Variants in TMEM131 observed in about 807,000 individuals in gnomAD.
TMEM131 encodes the protein transmembrane protein 131, also known as 2610524E03Rik.
Under a neutral mutation model 211.6 loss-of-function variants are expected in TMEM131, and 66 were observed. The ratio of observed to expected loss-of-function variants is 0.31; its 90% confidence interval spans 0.26 to 0.38. The LOEUF (loss-of-function observed/expected upper bound fraction) is 0.38, where lower values mean the gene tolerates loss of function less well. TMEM131 is among the 10% of genes least tolerant of loss of function. The pLI, the probability that TMEM131 is intolerant of heterozygous loss-of-function variation, is 1.00. For missense variants in TMEM131, 2,036 were observed against 2,299.3 expected, an observed-to-expected ratio of 0.89 and a Z score of 2.34; for synonymous variants, 844 against 841.3, an observed-to-expected ratio of 1.00 and a Z score of -0.06.
chr2:97,789,649 C>T (rs957129016), intron 31 of TMEM131, among the ~76,000 whole-genome samples: 5 of 152,228 alleles, frequency 3.3e-5, no homozygotes, highest in Non-Finnish European at 5.9e-5. Flanking sequence ...AAGCCAGAAA[C>T]GAGAATGGCC....
In TMEM131 at chr2:97,775,912, C is replaced by T; in HGVS notation, c.4251G>A (p.Leu1417=). The change falls in exon 32 of 41, where the codon TTG becomes TTA. Residue 1417 remains leucine (L), a synonymous_variant. Transcript: ENST00000186436. ...KPQEDELKDS[L]ADDDSSSTTT... is the part of the protein sequence containing the mutation. Reference sequence around the variant, plus strand: ...TGGTGGAGGAGCTATCATCATCAGCCAAAGAGTCCTTCAGCTCATCTTCCT... The same window carrying T: ...TGGTGGAGGAGCTATCATCATCAGCTAAAGAGTCCTTCAGCTCATCTTCCT... 1.2e-6 allele frequency: 2 copies of T among 1,613,950 alleles called. No individual in the cohort carries two copies. Among genetic ancestry groups the T allele is most frequent in the Non-Finnish European group, 1.7e-6 (2 of 1,179,874 alleles).
At chr2:97,859,692 C>T (rs1046438719) in intron 4 of TMEM131, among the ~76,000 whole-genome samples, 1 of 152,146 alleles carries the variant, frequency 6.6e-6, no homozygotes, top group African/African-American at 2.4e-5. Flanking sequence ...CCCAGTGAGG[C>T]GGCGGACGGG....
At chr2:97,897,929 T>G (rs943278093) in intron 3 of TMEM131, among the ~76,000 whole-genome samples, 1 of 152,142 alleles carries the variant, frequency 6.6e-6, no homozygotes, top group Non-Finnish European at 1.5e-5. Flanking sequence ...TCTCTCTTGG[T>G]TAGTTTTAAT....
At chr2:97,928,734 T>C (rs551735744) in intron 1 of TMEM131, among the ~76,000 whole-genome samples, 4 of 151,748 alleles carry the variant, frequency 2.6e-5, no homozygotes, top group African/African-American at 7.3e-5. Flanking sequence ...CCACTATACA[T>C]GTACACTGAA....
intron 1 of TMEM131, among the ~76,000 whole-genome samples, chr2:97,949,138 G>A (rs1366120033): frequency 1.3e-5 from 2 of 152,140 alleles, no homozygotes; most frequent in African/African-American, 4.8e-5. Context: ...ACGGGTGGGT[G>A]GATAAACAAA....
chr2:97,978,917 C>T (rs925676531), intron 1 of TMEM131, among the ~76,000 whole-genome samples: 7 of 152,182 alleles, frequency 4.6e-5, no homozygotes, highest in Non-Finnish European at 1.0e-4. Context: ...TCTGTGGCAG[C>T]TATAGCCTTA....
chr2:97,932,491 T>A (rs1437740567), intron 1 of TMEM131, among the ~76,000 whole-genome samples: 1 of 152,222 alleles, frequency 6.6e-6, no homozygotes, highest in Admixed American at 6.5e-5. Context: ...TGTTGTTTAC[T>A]AAAACTCAAA....
At chr2:97,757,898 C>T (rs956843831) in intron 40 of TMEM131, among the ~76,000 whole-genome samples, 8 of 152,074 alleles carry the variant, frequency 5.3e-5, no homozygotes, top group Non-Finnish European at 1.2e-4. Flanking sequence ...TTTGGGAGGC[C>T]GACGTGGGCG....
chr2:97,819,684 C>T (rs560529622), intron 11 of TMEM131, among the ~76,000 whole-genome samples: 16 of 152,252 alleles, frequency 1.1e-4, no homozygotes, highest in African/African-American at 3.9e-4. Flanking sequence ...TCTGAACCCT[C>T]GTGGGTTGTA....
At chr2:97,804,941 T>C (rs889359390) in intron 22 of TMEM131, 147 bp downstream of exon 22, 39 of 553,286 alleles carry the variant, frequency 7.0e-5, no homozygotes, top group Non-Finnish European at 1.2e-4. Context: ...CAATTTAAGA[T>C]GCCTCACTAA....
intron 3 of TMEM131, among the ~76,000 whole-genome samples, chr2:97,891,122 T>C (rs1675358599): frequency 6.6e-6 from 1 of 152,256 alleles, no homozygotes. Flanking sequence ...TTATTTAACA[T>C]GGCACTGTTT....
intron 18 of TMEM131, among the ~76,000 whole-genome samples, chr2:97,810,307 ATTC>A (rs1341053020): frequency 6.6e-6 from 1 of 152,180 alleles, no homozygotes; most frequent in African/African-American, 2.4e-5. Flanking sequence ...ATTTTTCTTA[ATTC>A]TTATTTTCAC....
chr2:97,961,883 A>T (rs1336044587), intron 1 of TMEM131, among the ~76,000 whole-genome samples: 1 of 152,244 alleles, frequency 6.6e-6, no homozygotes, highest in East Asian at 1.9e-4. Context: ...TTAAAAGTCA[A>T]CAACAACAAA....
chr2:97,835,744 C>A (rs57970329), intron 8 of TMEM131, among the ~76,000 whole-genome samples: 5,282 of 152,208 alleles, frequency 0.035, 291 homozygotes, highest in African/African-American at 0.11. Flanking sequence ...ACCATCCACT[C>A]CCCAGCTCTA....
chr2:97,791,534 G>T (rs990647742), intron 31 of TMEM131, among the ~76,000 whole-genome samples: 2 of 152,192 alleles, frequency 1.3e-5, no homozygotes, highest in African/African-American at 4.8e-5. Flanking sequence ...AACAGTCCGT[G>T]AAGAACTGAA....
Position 97,818,717 on chromosome 2 carries a change from A to C in TMEM131, c.1079T>G (p.Val360Gly). ...SGTKDVPITS[V>G]RPTPQNDAIT... The stretch of plus-strand genomic sequence containing the variant: ...AGCATCATTTTGTGGTGTAGGTCGA[A>C]CACTCTGCAAAGAGAACAAAAATAC... The change falls in exon 12 of 41, where the codon GTT becomes GGT. Residue 360 changes from valine to glycine, a missense_variant. By Grantham distance (109) the Val-to-Gly change is moderately radical (BLOSUM62 -3). Around this residue, in one of 3 missense-constraint regions of TMEM131, gnomAD observed 277 missense variants for 378.0 expected, o/e 0.73. Transcript: ENST00000186436. 1 of 1,593,468 alleles carries C rather than the reference A, an allele frequency of 6.3e-7. No homozygotes were observed. The highest frequency in any genetic ancestry group is 2.2e-5 in the East Asian group (1 of 44,602).
Position 97,805,674 on chromosome 2 carries a change from A to C in TMEM131, c.2085T>G (p.Ile695Met). 1.2e-6 allele frequency: 2 copies of C among 1,604,868 alleles called. No homozygotes were observed. The highest frequency in any genetic ancestry group is 2.7e-5 in the African/African-American group (2 of 74,822). ...PGKIVHQSLNIMNSFSQKVKI... is the reference protein window; with the variant it reads ...PGKIVHQSLNMMNSFSQKVKI... ...TTACCTTCTGTGAGAAGGAATTCAT[A>C]ATATTTAAACTTTGATGAACTATTT... Residue 695 changes from isoleucine to methionine, a missense_variant, in exon 20 of 41, where the codon ATT (isoleucine) becomes ATG (methionine). Around this residue, in one of 3 missense-constraint regions of TMEM131, gnomAD observed 1,623 missense variants for 1,805.9 expected, o/e 0.90. Coordinates refer to ENST00000186436, the MANE Select transcript of TMEM131 (RefSeq NM_015348.2).
intron 36 of TMEM131, chr2:97,761,202 G>A (rs6760008): frequency 0.24 from 68,012 of 281,216 alleles, 9,381 homozygotes; most frequent in African/African-American, 0.32. Flanking sequence ...CTTTTGTGAA[G>A]AATGCTAGAG....
At chr2:97,772,827 G>A (rs1416937939) in intron 32 of TMEM131, among the ~76,000 whole-genome samples, 1 of 152,260 alleles carries the variant, frequency 6.6e-6, no homozygotes, top group African/African-American at 2.4e-5. Flanking sequence ...AACTGGGGAG[G>A]CAGGGGTTGC....
Sources: gnomAD v4.1 joint callset for allele counts (sites outside exome capture counted in the v4.1 genomes callset) on GRCh38, gnomAD v4.1.1 for gene constraint, gnomAD v4.1.1 regional missense constraint, MANE v1.5 for transcripts, NCBI Gene and HGNC (gene_info 2026-07-23, HGNC 2026-07-21) for gene names.